The following RFTN1 variants were observed in gnomAD, a reference collection of about 807,000 sequenced individuals.
The protein encoded by RFTN1 is raftlin, lipid raft linker 1.
In RFTN1, 26 loss-of-function variants were observed where a neutral mutation model predicts 46.5. That is an observed-to-expected ratio of 0.56 (90% CI 0.41 to 0.78). The LOEUF (loss-of-function observed/expected upper bound fraction) is 0.78. RFTN1 is among the 30% of genes least tolerant of loss of function. RFTN1 has a pLI of 0.00. For synonymous variants in RFTN1, 261 were observed against 284.2 expected, an observed-to-expected ratio of 0.92 and a Z score of 0.82; for missense variants, 693 against 718.7, an observed-to-expected ratio of 0.96 and a Z score of 0.41.
intron 2 of RFTN1, among the ~76,000 whole-genome samples, chr3:16,454,516 G>A (rs1219543677): frequency 4.6e-5 from 7 of 152,208 alleles, no homozygotes; most frequent in African/African-American, 1.7e-4. Flanking sequence ...CTGGAGCCAC[G>A]TCTGGAGAAA....
Position 16,507,907 on chromosome 3 carries a change from T to C in RFTN1, c.-9+5535A>G, listed in dbSNP as rs930882125. On this transcript the variant is annotated intron_variant, in intron 1 of 9. Transcript: ENST00000334133. The surrounding 1 kb of genome is among the most constrained non-coding windows in gnomAD (Gnocchi z 7.1). ...CTGATAGGCCCCCGTAAAGAATAAA[T>C]TGTAACCCTCAAGGAGGTCTGCCTA... 2.0e-5 allele frequency among the ~76,000 whole-genome samples: 3 copies of C among 151,898 alleles called. No homozygotes were observed. Among genetic ancestry groups the C allele is most frequent in the African/African-American group, 7.3e-5 (3 of 41,336 alleles).
rs1485713805 is a variant in RFTN1 at position 16,447,622 on chromosome 3, A to G, written c.146-13585T>C. Reference sequence around the variant, plus strand: ...TCCCAGCTGCCTTCTCAGGCATTCCAGTGAAAAAGAGAAAAGTTTGAGAAT... The same window carrying G: ...TCCCAGCTGCCTTCTCAGGCATTCCGGTGAAAAAGAGAAAAGTTTGAGAAT... On this transcript the variant is annotated intron_variant, in intron 2 of 9. Coordinates refer to ENST00000334133, the MANE Select transcript of RFTN1 (RefSeq NM_015150.2). This position sits in a 1 kb window ranked among gnomAD's most constrained non-coding sequence, Gnocchi z 5.9. 6.6e-6 allele frequency among the ~76,000 whole-genome samples: 1 copy of G among 152,208 alleles called. No individual in the cohort carries two copies. The highest frequency in any genetic ancestry group is 2.4e-5 in the African/African-American group (1 of 41,446).
At chr3:16,357,314 T>C (rs1281937143) in intron 7 of RFTN1, among the ~76,000 whole-genome samples, 6 of 152,112 alleles carry the variant, frequency 3.9e-5, no homozygotes, top group Non-Finnish European at 7.4e-5. Context: ...AATTAGCTCC[T>C]CCAAAGTCCC....
At chr3:16,319,061 G>C (rs944857442) in intron 9 of RFTN1, among the ~76,000 whole-genome samples, 1 of 152,198 alleles carries the variant, frequency 6.6e-6, no homozygotes, top group African/African-American at 2.4e-5. Flanking sequence ...ACCGTGTTAT[G>C]GTTCGTAACT....
chr3:16,382,772 C>T lies in RFTN1; in HGVS notation c.442-4670G>A, dbSNP rs374923966. On this transcript the variant is annotated intron_variant, in intron 4 of 9. Coordinates refer to ENST00000334133, the MANE Select transcript of RFTN1 (RefSeq NM_015150.2). The surrounding 1 kb of genome is among the most constrained non-coding windows in gnomAD (Gnocchi z 4.7). ...CCCCCAGTGTTTCTGGAATTACTTC[C>T]TCCTTCTCCATAAAGTGACCATCCA... Among the ~76,000 whole-genome samples, 1 of 152,190 alleles carries T rather than the reference C, an allele frequency of 6.6e-6. No individual in the cohort carries two copies. The highest frequency in any genetic ancestry group is 2.4e-5 in the African/African-American group (1 of 41,438).
At position 16,384,534 on chromosome 3, in the gene RFTN1, T is replaced by C. The variant is rs2074102400; in HGVS notation, c.442-6432A>G. Among the ~76,000 whole-genome samples the C allele has an allele frequency of 6.6e-6, 1 of 152,162 alleles. No homozygotes were observed. The highest frequency in any genetic ancestry group is 2.1e-4 in the South Asian group (1 of 4,820). On this transcript the variant is annotated intron_variant, in intron 4 of 9. Transcript: ENST00000334133. The surrounding 1 kb of genome is among the most constrained non-coding windows in gnomAD (Gnocchi z 4.7). ...TCACTGTTGCCCAGGTAAAGGAAATTTCCCCCATTGTGCTTTGAGGAGAGC... is the reference window on the plus strand; with the variant it reads ...TCACTGTTGCCCAGGTAAAGGAAATCTCCCCCATTGTGCTTTGAGGAGAGC...
intron 3 of RFTN1, among the ~76,000 whole-genome samples, chr3:16,431,569 G>A (rs941018430): frequency 6.6e-6 from 1 of 151,418 alleles, no homozygotes; most frequent in Non-Finnish European, 1.5e-5. Context: ...TCATGTCACC[G>A]CCTATGGCAG....
rs2125015861 is a variant in RFTN1, at chr3:16,509,244, T to A, written c.-9+4198A>T. Among the ~76,000 whole-genome samples, 1 of 152,338 alleles carries A rather than the reference T, an allele frequency of 6.6e-6. No homozygotes were observed. The highest frequency in any genetic ancestry group is 1.9e-4 in the East Asian group (1 of 5,190). ...AAAGAAAATGATTGCAGTGTATCATTTCCTGTAACGCTGTTCTGATTATCT... is the reference window on the plus strand; with the variant it reads ...AAAGAAAATGATTGCAGTGTATCATATCCTGTAACGCTGTTCTGATTATCT... On this transcript the variant is annotated intron_variant, in intron 1 of 9. Transcript: ENST00000334133. This position sits in a 1 kb window ranked among gnomAD's most constrained non-coding sequence, Gnocchi z 4.9.
In RFTN1 at chr3:16,337,058, G is replaced by A. The variant is rs552641472; in HGVS notation, c.1147-10182C>T. Reference sequence around the variant, plus strand: ...TAGGATATGGCAGATGTGACATTACGGTCATCCTGAACCTAGGCCTCAAGG... The same window carrying A: ...TAGGATATGGCAGATGTGACATTACAGTCATCCTGAACCTAGGCCTCAAGG... On this transcript the variant is annotated intron_variant, in intron 7 of 9. Transcript: ENST00000334133. The surrounding 1 kb of genome is among the most constrained non-coding windows in gnomAD (Gnocchi z 5.0). The A allele has an allele frequency of 2.0e-5, 3 of 152,116 alleles. No homozygotes were observed. Among genetic ancestry groups the A allele is most frequent in the African/African-American group, 7.2e-5 (3 of 41,402 alleles). The allele number at this position is 152,116 out of a possible 1,614,324, so 9.4% of individuals were successfully genotyped here. A position where few individuals can be genotyped will look rare whatever the true frequency, so the allele number is the denominator to read the frequency against.
In RFTN1 at chr3:16,443,779, ACAC is replaced by A. The variant is rs1203548160; in HGVS notation, c.146-9745_146-9743del. On this transcript the variant is annotated intron_variant, in intron 2 of 9. Transcript: ENST00000334133. This position sits in a 1 kb window ranked among gnomAD's most constrained non-coding sequence, Gnocchi z 5.5. ...CACACACACACACACACACACACAC[ACAC>A]ACCACTGTACTGTAAAAATTCAGTG... is the stretch of plus-strand genomic sequence containing the variant. Among the ~76,000 whole-genome samples, 4 of 151,584 alleles carry A rather than the reference ACAC, an allele frequency of 2.6e-5. No individual in the cohort carries two copies. The highest frequency in any genetic ancestry group is 3.9e-4 in the East Asian group (2 of 5,184).
In RFTN1 at chr3:16,342,632, A is replaced by C. The variant is rs2071390774; in HGVS notation, c.1146+15300T>G. On this transcript the variant is annotated intron_variant, in intron 7 of 9. Transcript: ENST00000334133. This position sits in a 1 kb window ranked among gnomAD's most constrained non-coding sequence, Gnocchi z 4.0. The stretch of plus-strand genomic sequence containing the variant: ...CACTTTTATAAAAATAAAAAAAGTT[A>C]TAAGAATGAAAGCAGAGGCCTCTTG... 6.6e-6 allele frequency among the ~76,000 whole-genome samples: 1 copy of C among 152,356 alleles called. No homozygotes were observed. The highest frequency in any genetic ancestry group is 1.9e-4 in the East Asian group (1 of 5,190).
At chr3:16,493,234 GC>G (rs2076569122) in intron 2 of RFTN1, among the ~76,000 whole-genome samples, 1 of 120,100 alleles carries the variant, frequency 8.3e-6, no homozygotes, top group African/African-American at 3.2e-5. Context: ...GTAATTCGTT[GC>G]TTTTTTTTTT....
chr3:16,422,962 C>G lies in RFTN1; in HGVS notation c.332+10889G>C, dbSNP rs541594225. 1.3e-4 allele frequency among the ~76,000 whole-genome samples: 20 copies of G among 151,778 alleles called. No individual in the cohort carries two copies. In the South Asian group the frequency reaches 4.2e-3, roughly 32 times the overall value. ...TGGGTGGATCATGAGGTCAGGAGAT[C>G]GAGACCATCCTGGCTAACACAGTGA... On this transcript the variant is annotated intron_variant, in intron 3 of 9. Transcript: ENST00000334133. This position sits in a 1 kb window ranked among gnomAD's most constrained non-coding sequence, Gnocchi z 4.6.
Position 16,377,914 on chromosome 3 carries a change from C to G in RFTN1, c.630G>C (p.Val210=). The G allele has an allele frequency of 6.2e-7, 1 of 1,614,208 alleles. No individual in the cohort carries two copies. The highest frequency in any genetic ancestry group is 1.3e-5 in the African/African-American group (1 of 75,050). Residue 210 remains valine, a synonymous_variant, in exon 5 of 10, where the codon GTG becomes GTC. Transcript: ENST00000334133. ...LENEKPGTGD[V]CSAPAGRNQS... is the part of the protein sequence containing the mutation. Reference sequence around the variant, plus strand: ...GGTTTCTCCCAGCCGGAGCACTGCACACATCCCCAGTCCCCGGTTTCTCAT... The same window carrying G: ...GGTTTCTCCCAGCCGGAGCACTGCAGACATCCCCAGTCCCCGGTTTCTCAT...
At chr3:16,398,146 C>T (rs1424937489) in intron 4 of RFTN1, among the ~76,000 whole-genome samples, 1 of 149,018 alleles carries the variant, frequency 6.7e-6, no homozygotes, top group Non-Finnish European at 1.5e-5. Flanking sequence ...ACTCGGGAGG[C>T]TGAGGCAGGA....
chr3:16,368,665 C>T (rs1379772548), intron 6 of RFTN1, among the ~76,000 whole-genome samples: 4 of 142,736 alleles, frequency 2.8e-5, no homozygotes, highest in African/African-American at 7.9e-5. Flanking sequence ...GGCGACAGAG[C>T]GAGACTCTGT....
chr3:16,383,313 G>A lies in RFTN1; in HGVS notation c.442-5211C>T, dbSNP rs1171163697. ...TTCTGCTGCCTGTAAGAACCCACCT[G>A]CCCCAAATACTTAAAGAGTAACAAT... On this transcript the variant is annotated intron_variant, in intron 4 of 9. Transcript: ENST00000334133. The surrounding 1 kb of genome is among the most constrained non-coding windows in gnomAD (Gnocchi z 4.0). Among the ~76,000 whole-genome samples, 1 of 152,116 alleles carries A rather than the reference G, an allele frequency of 6.6e-6. No homozygotes were observed. Among genetic ancestry groups the A allele is most frequent in the Non-Finnish European group, 1.5e-5 (1 of 68,016 alleles).
At chr3:16,494,693 A>G (rs2076596011) in intron 1 of RFTN1, among the ~76,000 whole-genome samples, 1 of 152,236 alleles carries the variant, frequency 6.6e-6, no homozygotes, top group Non-Finnish European at 1.5e-5. Context: ...ATTAAAAGCA[A>G]TGAAGGCTCT....
chr3:16,408,032 A>T (rs1466183462), intron 4 of RFTN1, among the ~76,000 whole-genome samples: 3 of 152,250 alleles, frequency 2.0e-5, no homozygotes, highest in African/African-American at 7.2e-5. Flanking sequence ...TAATCATTTT[A>T]CTGTTATACA....
Sources: allele counts gnomAD v4.1 joint callset (sites outside exome capture counted in the v4.1 genomes callset), GRCh38; gene constraint gnomAD v4.1.1; non-coding constraint Gnocchi (gnomAD v3.1); transcripts MANE v1.5; gene names NCBI Gene and HGNC (gene_info 2026-07-23, HGNC 2026-07-21).